Variants in SRGAP3 observed in about 807,000 individuals in gnomAD.
SRGAP3 encodes SLIT-ROBO Rho GTPase activating protein 3.
A neutral mutation model predicts 121.1 loss-of-function variants in SRGAP3; 39 were observed. The observed-to-expected ratio is 0.32, with a 90% CI of 0.25 to 0.42. The LOEUF is 0.42. Among genes scored for constraint, SRGAP3 ranks in the 10% least tolerant of loss-of-function variants. The probability of loss-of-function intolerance (pLI) is 1.00; values close to 1 mark genes in which losing one functional copy is unlikely to be tolerated. For synonymous variants in SRGAP3, 601 were observed against 570.0 expected (o/e 1.05, Z -0.77); for missense variants, 1,213 against 1,470.6 (o/e 0.82, Z 2.86).
At chr3:9,343,321 G>A (rs558563220) in intron 1 of SRGAP3, among the ~76,000 whole-genome samples, 1 of 152,024 alleles carries the variant, frequency 6.6e-6, no homozygotes, top group Non-Finnish European at 1.5e-5. Context: ...GTCCTCGTAG[G>A]GCTGTTGAAT....
upstream of SRGAP3, among the ~76,000 whole-genome samples, chr3:9,254,099 G>A (rs928184583): frequency 1.5e-4 from 23 of 152,190 alleles, no homozygotes; most frequent in Admixed American, 1.4e-3. Context: ...ACCTATCATA[G>A]GCCAAAGAAT....
In SRGAP3 at chr3:9,348,868, C is replaced by A. The variant is rs955838793; in HGVS notation, n.214+13972G>T. On this transcript the variant is annotated intron_variant and non_coding_transcript_variant, in intron 1 of 3. Transcript: ENST00000490889. ...TCAGTAAGGATCGCAGGTTTGCAAA[C>A]CTCACTGAAGATCAGCTACCCTCCT... The A allele has an allele frequency of 1.2e-5, 15 of 1,241,860 alleles. No individual in the cohort carries two copies. The African/African-American group carries it at 1.9e-4, about 16-fold the overall frequency. 76.9% of individuals were successfully genotyped at this position (1,241,860 alleles called of 1,614,324 possible). A position where few individuals can be genotyped will look rare whatever the true frequency, so the allele number is the denominator to read the frequency against.
chr3:9,052,906 G>C (rs1434693150), intron 9 of SRGAP3, 121 bp downstream of exon 9: 1 of 1,172,938 alleles, frequency 8.5e-7, no homozygotes, highest in African/African-American at 1.5e-5. Flanking sequence ...CATGGTGATG[G>C]AGTCTTAGAT....
At chr3:9,057,081 T>TTG (rs1560027479) in intron 7 of SRGAP3, among the ~76,000 whole-genome samples, 4 of 152,124 alleles carry the variant, frequency 2.6e-5, no homozygotes, top group African/African-American at 9.7e-5. Flanking sequence ...TTGTTTGTTT[T>TTG]TTGTTGTTGT....
chr3:9,069,952 A>AAAAG (rs889869030), intron 4 of SRGAP3, among the ~76,000 whole-genome samples: 21 of 152,276 alleles, frequency 1.4e-4, no homozygotes, highest in South Asian at 4.1e-4. Context: ...ATCTCAAAAA[A>AAAAG]AAAGAAAGAA....
chr3:9,162,452 C>T (rs961077701), intron 1 of SRGAP3, among the ~76,000 whole-genome samples: 6 of 152,210 alleles, frequency 3.9e-5, no homozygotes, highest in Middle Eastern at 3.4e-3. Context: ...AGTACATGGG[C>T]GATTTCAATC....
chr3:9,223,187 C>A (rs1185509769), intron 1 of SRGAP3, among the ~76,000 whole-genome samples: 3 of 152,240 alleles, frequency 2.0e-5, no homozygotes, highest in African/African-American at 7.2e-5. Flanking sequence ...ATAGCCACAT[C>A]CACTTATTTC....
At chr3:9,330,856 T>C (rs1161295811) in intron 1 of SRGAP3, among the ~76,000 whole-genome samples, 1 of 152,156 alleles carries the variant, frequency 6.6e-6, no homozygotes, top group Non-Finnish European at 1.5e-5. Context: ...AGTCAATGAG[T>C]GGTTAAATTA....
At position 8,992,943 on chromosome 3, in the gene SRGAP3, G is replaced by T. The variant is rs753421665; in HGVS notation, c.2521C>A (p.His841Asn). Residue 841 changes from histidine to asparagine, a missense_variant, in exon 20 of 22, where the codon CAC becomes AAC. This residue lies in a region of SRGAP3 where 420 missense variants were observed against 437.7 expected (regional missense o/e 0.96). Transcript: ENST00000383836. Reference sequence around the variant, plus strand: ...CCCCCAAAGCCGTAATCCGAGATGTGCTCCGTGGGGGACTGGAGGTCGTTT... The same window carrying T: ...CCCCCAAAGCCGTAATCCGAGATGTTCTCCGTGGGGGACTGGAGGTCGTTT... The part of the protein sequence containing the change: ...SKNDLQSPTE[H>N]ISDYGFGGVM... 1 of 1,614,220 alleles carries T rather than the reference G, an allele frequency of 6.2e-7. No homozygotes were observed. Among genetic ancestry groups the T allele is most frequent in the East Asian group, 2.2e-5 (1 of 44,878 alleles).
chr3:9,172,593 A>G (rs1478251984), intron 1 of SRGAP3, among the ~76,000 whole-genome samples: 1 of 152,106 alleles, frequency 6.6e-6, no homozygotes, highest in Non-Finnish European at 1.5e-5. Context: ...GCCTCCTCAC[A>G]TGTTGTCTCT....
intron 1 of SRGAP3, among the ~76,000 whole-genome samples, chr3:9,188,854 C>T (rs1282361684): frequency 6.6e-6 from 1 of 152,126 alleles, no homozygotes; most frequent in African/African-American, 2.4e-5. Flanking sequence ...ACTACTGCTC[C>T]CTGCTCCCCT....
chr3:9,090,232 C>T (rs1210236651), intron 3 of SRGAP3, among the ~76,000 whole-genome samples: 2 of 152,126 alleles, frequency 1.3e-5, no homozygotes, highest in Admixed American at 1.3e-4. Context: ...TTAGAGCACA[C>T]GCACCCTAAA....
chr3:9,142,829 C>CGTTTTTTT (rs750792802), intron 1 of SRGAP3, among the ~76,000 whole-genome samples: 2 of 90,832 alleles, frequency 2.2e-5, no homozygotes, highest in Non-Finnish European at 4.0e-5. Flanking sequence ...GGGCAATTTC[C>CGTTTTTTT]TTTTTTTTTT....
In SRGAP3 at chr3:8,981,250, T is replaced by G. The variant is rs1026167426; in HGVS notation, c.*4269A>C. ...CCCCAGAGAACCGGGGAAGTTGACA[T>G]GAAATGTCAGCATTAGCTCTGCACA... On this transcript the variant is annotated 3_prime_UTR_variant, in exon 22 of 22. Coordinates refer to ENST00000383836, the MANE Select transcript of SRGAP3 (RefSeq NM_014850.4). The G allele has an allele frequency of 1.3e-5, 3 of 232,720 alleles. No individual in the cohort carries two copies. The highest frequency in any genetic ancestry group is 1.7e-5 in the Non-Finnish European group (2 of 117,826). 14.4% of individuals were successfully genotyped at this position (232,720 alleles called of 1,614,324 possible). A position where few individuals can be genotyped will look rare whatever the true frequency, so the allele number is the denominator to read the frequency against.
chr3:9,015,460 T>G (rs1206698011), intron 15 of SRGAP3, 137 bp downstream of exon 15: 1 of 1,142,002 alleles, frequency 8.8e-7, no homozygotes, highest in Admixed American at 2.0e-5. Flanking sequence ...ATTTCCGCTT[T>G]CAGTTCTACG....
Position 8,984,286 on chromosome 3 carries a change from C to T in SRGAP3, c.*1233G>A. 4.3e-6 allele frequency: 1 copy of T among 230,330 alleles called. No homozygotes were observed. Among genetic ancestry groups the T allele is most frequent in the East Asian group, 6.2e-5 (1 of 16,184 alleles). 14.3% of individuals were successfully genotyped at this position (230,330 alleles called of 1,614,324 possible). A position where few individuals can be genotyped will look rare whatever the true frequency, so the allele number is the denominator to read the frequency against. The stretch of plus-strand genomic sequence containing the variant: ...AGGACTGCCCCTCCCTGGCCCCAGT[C>T]TGAACTGGGCGCTCACGGCTCATGC... On this transcript the variant is annotated 3_prime_UTR_variant, in exon 22 of 22. Transcript: ENST00000383836.
chr3:9,352,046 G>A (rs1028168358), intron 1 of SRGAP3, among the ~76,000 whole-genome samples: 1 of 152,106 alleles, frequency 6.6e-6, no homozygotes, highest in Non-Finnish European at 1.5e-5. Context: ...AGCCAATTAA[G>A]AGAGACTGGT....
At chr3:9,362,844 T>A (rs1337026561) in exon 1 of SRGAP3, 1 of 152,164 alleles carries the variant, frequency 6.6e-6, no homozygotes, top group Non-Finnish European at 1.5e-5. Flanking sequence ...GCTTACCCAG[T>A]GCTCGGCAAG....
intron 14 of SRGAP3, among the ~76,000 whole-genome samples, chr3:9,023,689 T>C (rs890706489): frequency 6.6e-6 from 1 of 152,226 alleles, no homozygotes; most frequent in African/African-American, 2.4e-5. Flanking sequence ...CAGGCCCTTG[T>C]CCATTACCTT....
Sources: allele counts gnomAD v4.1 joint callset (sites outside exome capture counted in the v4.1 genomes callset), GRCh38; gene constraint gnomAD v4.1.1; regional missense constraint gnomAD v4.1.1; transcripts MANE v1.5; gene names NCBI Gene and HGNC (gene_info 2026-07-23, HGNC 2026-07-21).